Variants in LIPI observed in about 807,000 individuals in gnomAD.
LIPI encodes the protein lipase I, also known as lipase member I.
Under a neutral mutation model 50.6 loss-of-function variants are expected in LIPI, and 59 were observed. That is an observed-to-expected ratio of 1.16 (90% CI 0.94 to 1.45). The LOEUF is 1.45. LIPI is among the 40% of genes most tolerant of loss of function. The pLI is 0.00. For missense variants in LIPI, 586 were observed against 536.3 expected (o/e 1.09, Z -0.92); for synonymous variants, 203 against 178.2 (o/e 1.14, Z -1.11).
chr21:14,210,504 T>C (rs936653874), intron 1 of LIPI, among the ~76,000 whole-genome samples: 16 of 150,160 alleles, frequency 1.1e-4, no homozygotes, highest in Middle Eastern at 6.8e-3. Context: ...AATTTTTTTC[T>C]CTTGAGTATT....
rs780810783 is a variant in LIPI, at chr21:14,189,384, T to A, written c.82A>T (p.Ser28Cys). The change falls in exon 2 of 10, where the codon AGT (serine) becomes TGT (cysteine). Residue 28 changes from serine to cysteine, a missense_variant. Ser to Cys is a moderately radical substitution (Grantham distance 112). Transcript: ENST00000681601. ...AAATCTCTGAAGGAATCCTTTACAC[T>A]TAGCTGAGAGAATTCAAGGCATGGT... ...KRPCLEFSQL[S>C]VKDSFRDLFI... 1.2e-6 allele frequency: 2 copies of A among 1,612,744 alleles called. No individual in the cohort carries two copies. The highest frequency in any genetic ancestry group is 2.2e-5 in the South Asian group (2 of 90,988).
At chr21:14,122,246 T>C (rs1181200758) in intron 9 of LIPI, among the ~76,000 whole-genome samples, 2 of 152,130 alleles carry the variant, frequency 1.3e-5, no homozygotes, top group African/African-American at 4.8e-5. Context: ...TTATTATTAG[T>C]GTACAGGAAT....
rs1555853855 is a variant in LIPI, at chr21:14,165,436, A to G, written c.734-46T>C. On this transcript the variant is annotated intron_variant, in intron 5 of 9. Transcript: ENST00000681601. ...CAAAGAACTGTAGATGTATTAAGCC[A>G]TGTTCAAGTACATTTAAAAACAAAG... 7 of 1,380,270 alleles carry G rather than the reference A, an allele frequency of 5.1e-6. No homozygotes were observed. In the South Asian group the frequency reaches 8.5e-5, roughly 17 times the overall value. 85.5% of individuals were successfully genotyped at this position (1,380,270 alleles called of 1,614,324 possible).
At chr21:14,195,335 C>G (rs2123307868) in intron 1 of LIPI, among the ~76,000 whole-genome samples, 1 of 152,014 alleles carries the variant, frequency 6.6e-6, no homozygotes, top group Non-Finnish European at 1.5e-5. Context: ...TCACATTAGA[C>G]TAGGAGAGAT....
chr21:14,206,679 G>T (rs1413454143), intron 1 of LIPI: 3 of 612,440 alleles, frequency 4.9e-6, no homozygotes, highest in Non-Finnish European at 8.6e-6. Context: ...AAACGGATTT[G>T]TTAACAACAA....
At chr21:14,190,245 T>A (rs2019625929) in intron 1 of LIPI, among the ~76,000 whole-genome samples, 1 of 152,142 alleles carries the variant, frequency 6.6e-6, no homozygotes, top group African/African-American at 2.4e-5. Context: ...ATAGCAATAG[T>A]CATTGCTAGA....
intron 9 of LIPI, among the ~76,000 whole-genome samples, chr21:14,111,724 C>T (rs967736447): frequency 6.6e-6 from 1 of 151,944 alleles, no homozygotes; most frequent in Admixed American, 6.6e-5. Flanking sequence ...TAGTTTCAAG[C>T]CTTAGATTTT....
At chr21:14,118,402 C>T (rs2016735802) in intron 9 of LIPI, among the ~76,000 whole-genome samples, 1 of 152,040 alleles carries the variant, frequency 6.6e-6, no homozygotes, top group Admixed American at 6.6e-5. Flanking sequence ...GAAAAGACAC[C>T]TTTTTTCAAA....
chr21:14,151,405 G>A (rs1374136751), intron 8 of LIPI, among the ~76,000 whole-genome samples: 2 of 152,112 alleles, frequency 1.3e-5, no homozygotes, highest in African/African-American at 4.8e-5. Context: ...GTTAATTTAT[G>A]TACTGTAACT....
intron 7 of LIPI, among the ~76,000 whole-genome samples, chr21:14,158,270 A>G (rs1236076285): frequency 6.6e-6 from 1 of 151,748 alleles, no homozygotes; most frequent in African/African-American, 2.4e-5. Context: ...GCCATAATAA[A>G]ATTAATCTAA....
chr21:14,178,034 T>C (rs1457645638), intron 4 of LIPI, among the ~76,000 whole-genome samples: 1 of 152,156 alleles, frequency 6.6e-6, no homozygotes, highest in African/African-American at 2.4e-5. Context: ...ATTCTGTTGT[T>C]TCCTATATTC....
intron 1 of LIPI, among the ~76,000 whole-genome samples, chr21:14,203,160 T>C (rs2020118305): frequency 1.3e-5 from 2 of 151,990 alleles, no homozygotes; most frequent in African/African-American, 2.4e-5. Flanking sequence ...GCTAGAATGG[T>C]GATCATTAAA....
chr21:14,181,611 T>C, intron 4 of LIPI, 147 bp downstream of exon 4: 1 of 608,188 alleles, frequency 1.6e-6, no homozygotes, highest in Non-Finnish European at 3.0e-6. Context: ...CTAAGAAATA[T>C]TGCTTGGGAA....
chr21:14,161,948 A>T (rs2018512849), intron 7 of LIPI, among the ~76,000 whole-genome samples: 1 of 138,830 alleles, frequency 7.2e-6, no homozygotes, highest in Admixed American at 7.9e-5. Flanking sequence ...AGATATATAG[A>T]TATATTATTT....
chr21:14,185,407 G>A (rs931358692), intron 3 of LIPI, among the ~76,000 whole-genome samples: 1 of 152,116 alleles, frequency 6.6e-6, no homozygotes, highest in African/African-American at 2.4e-5. Context: ...TTAAAATTTA[G>A]CTGGGACTGC....
At chr21:14,163,650 T>A in intron 6 of LIPI, 127 bp from the exon 7 acceptor site, 1 of 635,494 alleles carries the variant, frequency 1.6e-6, no homozygotes, top group Non-Finnish European at 2.9e-6. Flanking sequence ...TTTTGATAAC[T>A]TAAAAAGCAT....
At chr21:14,146,008 A>T (rs2017890378) in intron 8 of LIPI, among the ~76,000 whole-genome samples, 1 of 152,168 alleles carries the variant, frequency 6.6e-6, no homozygotes, top group African/African-American at 2.4e-5. Context: ...ATGTCTTTCC[A>T]TGAACATATC....
In LIPI at chr21:14,150,016, A is replaced by T. The variant is rs184015267; in HGVS notation, c.1118+2557T>A. 6.6e-4 allele frequency among the ~76,000 whole-genome samples: 100 copies of T among 152,294 alleles called. 2 individuals carry two copies. The highest frequency in any genetic ancestry group is 6.4e-3 in the Admixed American group (98 of 15,290). ...CAGTGCCCCAGTGGGAACTCTGTAT[A>T]GGGCTCCAATCCCACATTTCCTTTC... On this transcript the variant is annotated intron_variant, in intron 8 of 9. Coordinates refer to ENST00000681601, the MANE Select transcript of LIPI (RefSeq NM_001302998.2).
At chr21:14,198,588 C>G (rs1473836005) in intron 1 of LIPI, among the ~76,000 whole-genome samples, 1 of 152,022 alleles carries the variant, frequency 6.6e-6, no homozygotes, top group East Asian at 1.9e-4. Context: ...ATATATGTAC[C>G]CAACACAGGA....
Sources: allele counts gnomAD v4.1 joint callset (sites outside exome capture counted in the v4.1 genomes callset), GRCh38; gene constraint gnomAD v4.1.1; transcripts MANE v1.5; gene names NCBI Gene and HGNC (gene_info 2026-07-23, HGNC 2026-07-21).